The following RMND1 variants were observed in gnomAD, a reference collection of about 807,000 sequenced individuals.
RMND1 encodes the protein required for meiotic nuclear division 1 homolog.
Under a neutral mutation model 54.0 loss-of-function variants are expected in RMND1, and 41 were observed. The ratio of observed to expected loss-of-function variants is 0.76; its 90% CI spans 0.59 to 0.98. The LOEUF (loss-of-function observed/expected upper bound fraction) is 0.98, where lower values mean the gene tolerates loss of function less well. RMND1 is among the 50% of genes least tolerant of loss of function. The probability of loss-of-function intolerance (pLI) is 0.00; values close to 1 mark genes in which losing one functional copy is unlikely to be tolerated. For synonymous variants in RMND1, 183 were observed against 181.7 expected (o/e 1.01, Z -0.06); for missense variants, 457 against 532.0 (o/e 0.86, Z 1.39).
At chr6:151,427,916 G>T (rs982759823) in intron 5 of RMND1, among the ~76,000 whole-genome samples, 1 of 151,988 alleles carries the variant, frequency 6.6e-6, no homozygotes, top group African/African-American at 2.4e-5. Flanking sequence ...AGAGGCGGGT[G>T]GATCCTTGAG....
At chr6:151,450,681 A>C (rs1048463304) in intron 1 of RMND1, among the ~76,000 whole-genome samples, 1 of 149,852 alleles carries the variant, frequency 6.7e-6, no homozygotes, top group Non-Finnish European at 1.5e-5. Flanking sequence ...CTGCCCGGCC[A>C]CCACCCCGTC....
intron 1 of RMND1, among the ~76,000 whole-genome samples, chr6:151,450,754 T>A (rs181476958): frequency 6.6e-5 from 10 of 150,640 alleles, no homozygotes; most frequent in Non-Finnish European, 1.5e-4. Flanking sequence ...TTTTGTGTAA[T>A]AGAAAGGGGG....
At chr6:151,405,681 G>C in intron 11 of RMND1, 39 bp downstream of exon 11, 2 of 993,760 alleles carry the variant, frequency 2.0e-6, no homozygotes, top group Non-Finnish European at 3.2e-6. Context: ...TTTGTGAAAA[G>C]ATGGTAACTG....
rs994106612 is a variant in RMND1, at chr6:151,410,141, C to G, written c.1201-4305G>C. Among the ~76,000 whole-genome samples, 25 of 151,436 alleles carry G rather than the reference C, an allele frequency of 1.7e-4. 1 individual carries two copies. Among genetic ancestry groups the G allele is most frequent in the South Asian group, 8.4e-4 (4 of 4,790 alleles). On this transcript the variant is annotated intron_variant, in intron 10 of 11. Coordinates refer to ENST00000444024, the MANE Select transcript of RMND1 (RefSeq NM_017909.4). ...ACAATCTCCGCTCACTGCAAGCTCT[C>G]CCTCCCGGGTTCACGCCATTCTCCT... is the stretch of plus-strand genomic sequence containing the variant.
chr6:151,423,779 G>C (rs1224329995), intron 6 of RMND1, 148 bp from the exon 7 acceptor site: 1 of 624,814 alleles, frequency 1.6e-6, no homozygotes, highest in African/African-American at 1.8e-5. Flanking sequence ...TTTGGTCCAG[G>C]TAATTCCCTT....
At position 151,445,483 on chromosome 6, in the gene RMND1, T is replaced by G. The variant is rs138900217; in HGVS notation, c.329A>C (p.Lys110Thr). 4 of 1,614,242 alleles carry G rather than the reference T, an allele frequency of 2.5e-6. No individual in the cohort carries two copies. The highest frequency in any genetic ancestry group is 3.4e-6 in the Non-Finnish European group (4 of 1,180,044). The part of the protein sequence containing the change: ...SFGTHRRVTH[K>T]PNLLGSKWFI... ...CCATTTAGAACCCAACAGATTTGGTTTGTGGGTCACTCTCCTGTGAGTACC... is the reference window on the plus strand; with the variant it reads ...CCATTTAGAACCCAACAGATTTGGTGTGTGGGTCACTCTCCTGTGAGTACC... The change falls in exon 2 of 12, where the codon AAA becomes ACA. Residue 110 changes from lysine to threonine, a missense_variant. Lys to Thr is a moderately conservative substitution (Grantham distance 78). Transcript: ENST00000444024.
intron 3 of RMND1, among the ~76,000 whole-genome samples, chr6:151,433,946 CCCGCCCCA>C (rs1562795214): frequency 8.5e-6 from 1 of 118,080 alleles, no homozygotes; most frequent in Non-Finnish European, 1.7e-5. Flanking sequence ...GGGACCCCCC[CCCGCCCCA>C]CCCACCTCAG....
At chr6:151,418,306 T>C (rs997863082) in intron 9 of RMND1, among the ~76,000 whole-genome samples, 50 of 152,046 alleles carry the variant, frequency 3.3e-4, no homozygotes, top group African/African-American at 1.2e-3. Context: ...CCCAGCTACT[T>C]GGGAGGCTGA....
At chr6:151,420,940 C>T (rs1329519265) in intron 9 of RMND1, 1 of 193,482 alleles carries the variant, frequency 5.2e-6, no homozygotes, top group African/African-American at 2.3e-5. Context: ...CAGAGAATTC[C>T]CATTAACCAA....
intron 1 of RMND1, among the ~76,000 whole-genome samples, chr6:151,449,051 A>C (rs1399346051): frequency 1.9e-5 from 2 of 107,612 alleles, no homozygotes; most frequent in African/African-American, 7.7e-5. Context: ...ACAAAGCGAG[A>C]CTCTGTCTCA....
intron 7 of RMND1, 110 bp downstream of exon 7, chr6:151,423,415 G>A (rs1268943086): frequency 4.4e-6 from 3 of 689,028 alleles, no homozygotes; most frequent in Non-Finnish European, 7.6e-6. Context: ...GAAAAGGAAT[G>A]CTAAGGCTTT....
At chr6:151,420,936 A>G in intron 9 of RMND1, 1 of 190,298 alleles carries the variant, frequency 5.3e-6, no homozygotes. Flanking sequence ...TTTACAGAGA[A>G]TTCCCATTAA....
At chr6:151,439,102 C>T (rs1054180485) in intron 2 of RMND1, among the ~76,000 whole-genome samples, 1 of 152,166 alleles carries the variant, frequency 6.6e-6, no homozygotes, top group Non-Finnish European at 1.5e-5. Flanking sequence ...CAGCAAGACT[C>T]CGTTTCAAAC....
intron 2 of RMND1, among the ~76,000 whole-genome samples, chr6:151,439,559 G>A (rs532982758): frequency 6.6e-6 from 1 of 152,368 alleles, no homozygotes; most frequent in East Asian, 1.9e-4. Context: ...TATAGTGCCA[G>A]TGAAGACATG....
chr6:151,432,698 G>T (rs541727194), intron 4 of RMND1, among the ~76,000 whole-genome samples: 33 of 152,254 alleles, frequency 2.2e-4, no homozygotes, highest in Middle Eastern at 6.8e-3. Context: ...AAGTGTGTAT[G>T]TGAGTCTCCT....
At chr6:151,420,843 C>T (rs1780131317) in intron 9 of RMND1, 1 of 153,522 alleles carries the variant, frequency 6.5e-6, no homozygotes, top group Non-Finnish European at 1.4e-5. Context: ...TTTTTCTCTC[C>T]AGTGGCATCT....
Position 151,409,139 on chromosome 6 carries a change from T to A in RMND1, c.1201-3303A>T, listed in dbSNP as rs887822811. Among the ~76,000 whole-genome samples, 19 of 152,140 alleles carry A rather than the reference T, an allele frequency of 1.2e-4. No individual in the cohort carries two copies. In the East Asian group the frequency reaches 3.7e-3, roughly 29 times the overall value. On this transcript the variant is annotated intron_variant, in intron 10 of 11. Transcript: ENST00000444024. The stretch of plus-strand genomic sequence containing the variant: ...CTGGGAAAAGGTCCAGTCTGGAGAC[T>A]GAGAGAGTCAAGAAGGAATCAGACA...
At chr6:151,433,818 A>C (rs1780514346) in intron 3 of RMND1, among the ~76,000 whole-genome samples, 1 of 150,826 alleles carries the variant, frequency 6.6e-6, no homozygotes, top group African/African-American at 2.4e-5. Flanking sequence ...AACTATTTAA[A>C]AAAAAAGTTT....
chr6:151,413,191 A>G (rs1183501074), intron 10 of RMND1, among the ~76,000 whole-genome samples: 2 of 152,248 alleles, frequency 1.3e-5, no homozygotes, highest in African/African-American at 4.8e-5. Flanking sequence ...ACAGAATCAG[A>G]GGACCCAGCT....
Sources: gnomAD v4.1 joint callset for allele counts (sites outside exome capture counted in the v4.1 genomes callset) on GRCh38, gnomAD v4.1.1 for gene constraint, MANE v1.5 for transcripts, NCBI Gene and HGNC (gene_info 2026-07-23, HGNC 2026-07-21) for gene names.